The following PLEKHA7 variants were observed in gnomAD, a reference collection of about 807,000 sequenced individuals.
PLEKHA7 encodes the protein pleckstrin homology domain-containing family A member 7.
Under a neutral mutation model 170.0 loss-of-function variants are expected in PLEKHA7, and 104 were observed. That is an observed-to-expected ratio of 0.61 (90% CI 0.52 to 0.72). The LOEUF is 0.72. Ranked by LOEUF, PLEKHA7 falls within the 30% of genes least tolerant of loss-of-function variation. PLEKHA7 has a pLI of 0.00. For missense variants in PLEKHA7, 1,615 were observed against 1,671.7 expected, an observed-to-expected ratio of 0.97 and a Z score of 0.59; for synonymous variants, 648 against 660.8, an observed-to-expected ratio of 0.98 and a Z score of 0.30.
intron 3 of PLEKHA7, among the ~76,000 whole-genome samples, chr11:16,956,665 G>C (rs1861720656): frequency 6.6e-6 from 1 of 152,166 alleles, no homozygotes. Flanking sequence ...AATCCTCATA[G>C]TCCTGGATTC....
intron 3 of PLEKHA7, among the ~76,000 whole-genome samples, chr11:16,960,852 C>T (rs1219402357): frequency 1.3e-5 from 2 of 152,102 alleles, no homozygotes; most frequent in Non-Finnish European, 2.9e-5. Context: ...ATGGGGACAC[C>T]GAGGCACACA....
chr11:16,788,854 G>T, intron 23 of PLEKHA7: 2 of 584,948 alleles, frequency 3.4e-6, no homozygotes, highest in Non-Finnish European at 6.0e-6. Context: ...AGGACTGACT[G>T]GGTATTTCCT....
At chr11:17,013,550 C>G (rs1865453833) in intron 3 of PLEKHA7, among the ~76,000 whole-genome samples, 1 of 152,210 alleles carries the variant, frequency 6.6e-6, no homozygotes, top group Non-Finnish European at 1.5e-5. Context: ...CGAGATTCCC[C>G]TAGTCTCTCC....
Position 16,831,022 on chromosome 11 carries a change from C to T in PLEKHA7, c.873-4432G>A, listed in dbSNP as rs1486954350. On this transcript the variant is annotated intron_variant, in intron 9 of 26. Coordinates refer to ENST00000531066, the MANE Select transcript of PLEKHA7 (RefSeq NM_001329630.2). ...ATCATTTTCTTTAAATTAATACCAG[C>T]ATTTATTGCAAAACAAAGCTTTAGA... 6.6e-5 allele frequency among the ~76,000 whole-genome samples: 10 copies of T among 152,174 alleles called. No individual in the cohort carries two copies. In the East Asian group the frequency reaches 7.7e-4, roughly 12 times the overall value.
intron 4 of PLEKHA7, among the ~76,000 whole-genome samples, chr11:16,857,389 C>T (rs1208262259): frequency 6.6e-6 from 1 of 152,266 alleles, no homozygotes; most frequent in Admixed American, 6.5e-5. Context: ...CACCCCCAGC[C>T]TCCAACCCAG....
chr11:16,839,666 T>C (rs1013790273), intron 9 of PLEKHA7, among the ~76,000 whole-genome samples: 3 of 152,098 alleles, frequency 2.0e-5, no homozygotes, highest in African/African-American at 7.2e-5. Flanking sequence ...ACTATTTACA[T>C]AGCATTTACA....
chr11:16,785,397 T>C (rs1849328127), intron 24 of PLEKHA7, among the ~76,000 whole-genome samples: 1 of 152,360 alleles, frequency 6.6e-6, no homozygotes. Context: ...TATGGGTCAC[T>C]GTGTGATTCA....
chr11:16,970,683 A>C (rs909253822), intron 3 of PLEKHA7, among the ~76,000 whole-genome samples: 2 of 147,378 alleles, frequency 1.4e-5, no homozygotes, highest in Non-Finnish European at 2.9e-5. Context: ...AAACAAAAAC[A>C]AAAACAAAAA....
chr11:16,852,660 T>G (rs982194732), intron 6 of PLEKHA7, among the ~76,000 whole-genome samples: 1 of 152,182 alleles, frequency 6.6e-6, no homozygotes, highest in African/African-American at 2.4e-5. Flanking sequence ...AAAAAGTTTT[T>G]GTTTGTTTGT....
At chr11:16,963,390 C>T (rs1178667487) in intron 3 of PLEKHA7, among the ~76,000 whole-genome samples, 1 of 152,058 alleles carries the variant, frequency 6.6e-6, no homozygotes, top group Non-Finnish European at 1.5e-5. Context: ...CAGCCACCCC[C>T]TGGATTCTAA....
chr11:16,847,078 GTTTT>G (rs1221318542), intron 8 of PLEKHA7, among the ~76,000 whole-genome samples: 1 of 129,552 alleles, frequency 7.7e-6, no homozygotes, highest in African/African-American at 2.9e-5. Flanking sequence ...TGTGGCTGAA[GTTTT>G]TTTTTTTCTT....
rs182965888 is a variant in PLEKHA7, at chr11:16,963,029, C to T, written c.221+50960G>A. Among the ~76,000 whole-genome samples the T allele has an allele frequency of 6.6e-5, 10 of 152,324 alleles. No homozygotes were observed. The East Asian group carries it at 1.9e-3, about 29-fold the overall frequency. On this transcript the variant is annotated intron_variant, in intron 3 of 26. Coordinates refer to ENST00000531066, the MANE Select transcript of PLEKHA7 (RefSeq NM_001329630.2). ...ACGAGGAGCAAGGCAGCCACTGCAA[C>T]CCTCTGGATTCAGCCTCCTTTTCTG...
At chr11:16,897,638 C>A (rs754029232) in intron 3 of PLEKHA7, among the ~76,000 whole-genome samples, 1 of 152,276 alleles carries the variant, frequency 6.6e-6, no homozygotes, top group South Asian at 2.1e-4. Context: ...CAAGCTATCC[C>A]GCTGTGCCAC....
chr11:17,013,941 C>A (rs532618168), intron 3 of PLEKHA7, 48 bp downstream of exon 3: 1 of 1,005,904 alleles, frequency 9.9e-7, no homozygotes, highest in South Asian at 1.8e-5. Flanking sequence ...CGGGGAGGGA[C>A]CCCCCCCCCG....
At chr11:16,927,118 T>C (rs1859616260) in intron 3 of PLEKHA7, among the ~76,000 whole-genome samples, 1 of 152,266 alleles carries the variant, frequency 6.6e-6, no homozygotes, top group South Asian at 2.1e-4. Context: ...AGCCCAGGAA[T>C]TTGAGACTGC....
At chr11:16,996,948 A>AT in intron 3 of PLEKHA7, among the ~76,000 whole-genome samples, 1 of 152,070 alleles carries the variant, frequency 6.6e-6, no homozygotes, top group East Asian at 1.9e-4. Context: ...AAAAAAAAAA[A>AT]GTTGAATCTC....
chr11:16,865,196 T>G (rs405268), intron 4 of PLEKHA7, among the ~76,000 whole-genome samples: 118,616 of 152,186 alleles, frequency 0.78, 48,127 homozygotes, highest in East Asian at 0.91. Context: ...GAATGAAGTG[T>G]TTCACAAAAA....
chr11:16,855,845 C>T lies in PLEKHA7; in HGVS notation c.375G>A (p.Thr125=), dbSNP rs145257579. 401 of 1,614,136 alleles carry T rather than the reference C, an allele frequency of 2.5e-4. 2 individuals are homozygous for T. The highest frequency in any genetic ancestry group is 1.5e-3 in the Middle Eastern group (9 of 6,062). The change falls in exon 5 of 27, where the codon ACG becomes ACA. Residue 125 remains threonine (T), a synonymous_variant. Transcript: ENST00000531066. The part of the protein sequence containing the change: ...RPSSMVSETS[T]AGTASTLEAK... ...CCTCCAGGGTGGAGGCGGTCCCAGC[C>T]GTGGATGTTTCACTGACCATGCTGG...
At chr11:16,996,808 C>T (rs1173214040) in intron 3 of PLEKHA7, among the ~76,000 whole-genome samples, 3 of 151,986 alleles carry the variant, frequency 2.0e-5, no homozygotes, top group Non-Finnish European at 2.9e-5. Flanking sequence ...TGGTGGTGGT[C>T]GCCTGTGGTC....
Sources: allele counts gnomAD v4.1 joint callset (sites outside exome capture counted in the v4.1 genomes callset), GRCh38; gene constraint gnomAD v4.1.1; transcripts MANE v1.5; gene names NCBI Gene and HGNC (gene_info 2026-07-23, HGNC 2026-07-21).